NUP88: variants seen among roughly 807,000 people sequenced by gnomAD.
The protein encoded by NUP88 is nucleoporin 88.
A neutral mutation model predicts 93.9 loss-of-function variants in NUP88; 57 were observed. The ratio of observed to expected loss-of-function variants is 0.61; its 90% CI spans 0.49 to 0.76. The LOEUF (loss-of-function observed/expected upper bound fraction) is 0.76, where lower values mean the gene tolerates loss of function less well. Among genes scored for constraint, NUP88 ranks in the 30% least tolerant of loss-of-function variants. The pLI is 0.00. For synonymous variants in NUP88, 346 were observed against 336.8 expected, an observed-to-expected ratio of 1.03 and a Z score of -0.30; for missense variants, 911 against 901.0, an observed-to-expected ratio of 1.01 and a Z score of -0.14.
In NUP88 at chr17:5,419,564, C is replaced by T; in HGVS notation, c.87G>A (p.Glu29=). The T allele has an allele frequency of 1.2e-6, 2 of 1,610,862 alleles. No homozygotes were observed. The highest frequency in any genetic ancestry group is 1.7e-6 in the Non-Finnish European group (2 of 1,177,660). The part of the protein sequence containing the change: ...PNHVVFLRLR[E]GLKNQSPTEA... ...CGGTTGGACTCTGGTTTTTCAGTCC[C>T]TCCCGGAGCCGCAAGAACACGACGT... The change falls in exon 1 of 17, where the codon GAG becomes GAA. Residue 29 remains glutamate, a synonymous_variant. Transcript: ENST00000573584.
Position 5,386,533 on chromosome 17 carries a change from C to G in NUP88, c.2162+175G>C, listed in dbSNP as rs546130778. Among the ~76,000 whole-genome samples the G allele has an allele frequency of 2.0e-4, 24 of 121,780 alleles. No individual in the cohort carries two copies. The South Asian group carries it at 7.7e-3, about 39-fold the overall frequency. The allele number at this position is 121,780 out of a possible 152,430, so 79.9% of individuals were successfully genotyped here. A position where few individuals can be genotyped will look rare whatever the true frequency, so the allele number is the denominator to read the frequency against. The stretch of plus-strand genomic sequence containing the variant: ...CATGTTACTAGAAGGTCATCCCTTT[C>G]AATCCTCCCACCATAGTCATTTCTT... On this transcript the variant is annotated intron_variant, in intron 16 of 16. Transcript: ENST00000573584.
chr17:5,404,952 T>A, intron 6 of NUP88, 105 bp downstream of exon 6: 1 of 1,000,928 alleles, frequency 1.0e-6, no homozygotes, highest in Non-Finnish European at 1.4e-6. Context: ...TATCAGAAGT[T>A]CCATAAGTAA....
chr17:5,401,561 GAT>G (rs1339891284), intron 7 of NUP88, among the ~76,000 whole-genome samples: 1 of 152,082 alleles, frequency 6.6e-6, no homozygotes, highest in East Asian at 1.9e-4. Context: ...TTCTAAAGCT[GAT>G]ATATTATTTT....
Position 5,387,381 on chromosome 17 carries a change from C to G in NUP88, c.1916+5G>C. The G allele has an allele frequency of 6.2e-7, 1 of 1,611,358 alleles. No individual in the cohort carries two copies. The highest frequency in any genetic ancestry group is 8.5e-7 in the Non-Finnish European group (1 of 1,177,526). ...AGGTAACTAAATGTTATACAGCCCA[C>G]TGACCTGTTCATGATATCCTCTTGT... is the stretch of plus-strand genomic sequence containing the variant. On this transcript the variant is annotated splice_donor_5th_base_variant and intron_variant, in intron 14 of 16. Transcript: ENST00000573584.
chr17:5,404,990 A>G, intron 6 of NUP88, 67 bp downstream of exon 6: 3 of 1,312,954 alleles, frequency 2.3e-6, no homozygotes, highest in Non-Finnish European at 3.1e-6. Context: ...TATATTAAGC[A>G]TTCATATTGG....
intron 9 of NUP88, among the ~76,000 whole-genome samples, chr17:5,393,579 G>A (rs530444113): frequency 1.4e-4 from 22 of 151,834 alleles, no homozygotes; most frequent in Non-Finnish European, 2.8e-4. Flanking sequence ...TGGGATTGCA[G>A]GTGTCTGCCA....
intron 11 of NUP88, chr17:5,388,268 T>C (rs2309371): frequency 0.43 from 74,609 of 171,634 alleles, 17,233 homozygotes; most frequent in East Asian, 0.84. Context: ...CCCAAAGTGC[T>C]GGGATTACAG....
chr17:5,386,154 GT>G lies in NUP88; in HGVS notation c.*51del. 7.2e-7 allele frequency: 1 copy of G among 1,388,802 alleles called. No homozygotes were observed. Among genetic ancestry groups the G allele is most frequent in the Non-Finnish European group, 1.0e-6 (1 of 992,898 alleles). The allele number at this position is 1,388,802 out of a possible 1,614,324, so 86.0% of individuals were successfully genotyped here. The stretch of plus-strand genomic sequence containing the variant: ...TAATTCTACCTGTTTTACAATATGG[GT>G]TTAAGCCTTCAATGGTGTTCAGTTC... On this transcript the variant is annotated 3_prime_UTR_variant, in exon 17 of 17. Transcript: ENST00000573584.
chr17:5,393,670 G>A (rs141453024), intron 9 of NUP88, among the ~76,000 whole-genome samples: 336 of 151,818 alleles, frequency 2.2e-3, no homozygotes, highest in Middle Eastern at 3.4e-3. Context: ...ACTCCTGACC[G>A]TGTGATCCAC....
In NUP88 at chr17:5,410,704, C is replaced by T; in HGVS notation, c.679G>A (p.Gly227Arg). Residue 227 changes from glycine (G) to arginine (R), a missense_variant and splice_region_variant, in exon 4 of 17, where the codon GGA (glycine) becomes AGA (arginine). Gly to Arg is a moderately radical substitution (Grantham distance 125, BLOSUM62 -2). Transcript: ENST00000573584. ...TTCAAGACTCAAATAAAAACTTACCCTTTATTGAGTACTAGACTTTCCTCT... is the reference window on the plus strand; with the variant it reads ...TTCAAGACTCAAATAAAAACTTACCTTTTATTGAGTACTAGACTTTCCTCT... ...AEEESLVLNK[G>R]RAYTASLGET... is the part of the protein sequence containing the mutation. 1 of 1,576,378 alleles carries T rather than the reference C, an allele frequency of 6.3e-7. No homozygotes were observed.
chr17:5,390,214 T>G (rs1252694860), intron 10 of NUP88, among the ~76,000 whole-genome samples: 2 of 151,940 alleles, frequency 1.3e-5, no homozygotes, highest in African/African-American at 4.8e-5. Flanking sequence ...TTTTCCCCTT[T>G]GGGATTCATA....
intron 4 of NUP88, 31 bp downstream of exon 4, chr17:5,410,668 TAAAA>T: frequency 7.5e-7 from 1 of 1,325,688 alleles, no homozygotes; most frequent in Non-Finnish European, 1.1e-6. Flanking sequence ...ATAAGCTAAT[TAAAA>T]AACCATTTCA....
In NUP88 at chr17:5,400,138, GT is replaced by G. The variant is rs201472258; in HGVS notation, c.1193-489del. 3.2e-3 allele frequency among the ~76,000 whole-genome samples: 144 copies of G among 45,178 alleles called. 11 individuals carry two copies. Among genetic ancestry groups the G allele is most frequent in the East Asian group, 0.031 (8 of 258 alleles). 29.6% of individuals were successfully genotyped at this position (45,178 alleles called of 152,430 possible). A position where few individuals can be genotyped will look rare whatever the true frequency, so the allele number is the denominator to read the frequency against. ...TGCAGGGTTGCCACATCTTTCATTTGTTAAAAAAAAAAAAAAAAAGCACTGT... is the reference window on the plus strand; with the variant it reads ...TGCAGGGTTGCCACATCTTTCATTTGTAAAAAAAAAAAAAAAAAGCACTGT... On this transcript the variant is annotated intron_variant, in intron 7 of 16. Coordinates refer to ENST00000573584, the MANE Select transcript of NUP88 (RefSeq NM_002532.6).
chr17:5,386,241 GCTTCACCATTTCCCTTATA>G lies in NUP88; in HGVS notation c.2172_2190del (p.Ile725LysfsTer9). ...ACATGATTGCGGATATCATTGATTT[GCTTCACCATTTCCCTTATA>G]TGTTCACCCCTGTAAAATTGTAAAG... On this transcript the variant is annotated frameshift_variant, in exon 17 of 17. Coordinates refer to ENST00000573584, the MANE Select transcript of NUP88 (RefSeq NM_002532.6). LOFTEE classifies it high-confidence loss of function. 6.2e-7 allele frequency: 1 copy of G among 1,613,116 alleles called. No homozygotes were observed. Among genetic ancestry groups the G allele is most frequent in the Non-Finnish European group, 8.5e-7 (1 of 1,179,606 alleles).
chr17:5,419,313 G>T, intron 1 of NUP88, 41 bp downstream of exon 1: 2 of 1,511,746 alleles, frequency 1.3e-6, no homozygotes, highest in South Asian at 1.3e-5. Flanking sequence ...GACTGGTTCC[G>T]ATCCCGGTGA....
In NUP88 at chr17:5,385,776, G is replaced by C. The variant is rs1911907325; in HGVS notation, c.*430C>G. 1 of 234,734 alleles carries C rather than the reference G, an allele frequency of 4.3e-6. No homozygotes were observed. Among genetic ancestry groups the C allele is most frequent in the South Asian group, 1.8e-4 (1 of 5,562 alleles). 14.5% of individuals were successfully genotyped at this position (234,734 alleles called of 1,614,324 possible). A position where few individuals can be genotyped will look rare whatever the true frequency, so the allele number is the denominator to read the frequency against. ...TGTACTGAAGGTGTGTCCTCAAGAA[G>C]AAAGTGTTCAAATTAAAAAAGCTGC... On this transcript the variant is annotated 3_prime_UTR_variant, in exon 17 of 17. Coordinates refer to ENST00000573584, the MANE Select transcript of NUP88 (RefSeq NM_002532.6).
At chr17:5,394,026 T>A (rs1204119974) in intron 9 of NUP88, among the ~76,000 whole-genome samples, 1 of 152,028 alleles carries the variant, frequency 6.6e-6, no homozygotes, top group Admixed American at 6.6e-5. Flanking sequence ...GAGAGCAGAT[T>A]TGGAAAGACA....
chr17:5,388,893 G>C lies in NUP88; in HGVS notation c.1552C>G (p.Pro518Ala). 1 of 1,614,054 alleles carries C rather than the reference G, an allele frequency of 6.2e-7. No individual in the cohort carries two copies. Among genetic ancestry groups the C allele is most frequent in the Non-Finnish European group, 8.5e-7 (1 of 1,179,934 alleles). Residue 518 changes from proline to alanine, a missense_variant, in exon 11 of 17, where the codon CCC becomes GCC. By Grantham distance (27) the Pro-to-Ala change is conservative. Transcript: ENST00000573584. ...GGGGTTTCAGCCAGAACACGGAGGG[G>C]AGACTCTGCCACTTCAACATCTTCT... ...TREDVEVAES[P>A]LRVLAETPDS...
At chr17:5,417,776 T>C (rs898251680) in intron 1 of NUP88, among the ~76,000 whole-genome samples, 1 of 147,642 alleles carries the variant, frequency 6.8e-6, no homozygotes, top group African/African-American at 2.5e-5. Context: ...GAGGTGGAGG[T>C]TGCAGTTAGC....
Sources: gnomAD v4.1 joint callset for allele counts (sites outside exome capture counted in the v4.1 genomes callset) on GRCh38, gnomAD v4.1.1 for gene constraint, MANE v1.5 for transcripts, NCBI Gene and HGNC (gene_info 2026-07-23, HGNC 2026-07-21) for gene names.